TSPAN11: variants seen among roughly 807,000 people sequenced by gnomAD.
The protein encoded by TSPAN11 is tetraspanin 11.
Under a neutral mutation model 32.9 loss-of-function variants are expected in TSPAN11, and 29 were observed. The ratio of observed to expected loss-of-function variants is 0.88; its 90% CI spans 0.66 to 1.20. TSPAN11 has a LOEUF of 1.20. TSPAN11 is among the 50% of genes most tolerant of loss of function. The pLI is 0.00. For missense variants in TSPAN11, 283 were observed against 329.1 expected, an observed-to-expected ratio of 0.86 and a Z score of 1.08; for synonymous variants, 140 against 141.3, an observed-to-expected ratio of 0.99 and a Z score of 0.07.
chr12:30,945,655 C>T (rs758467788), intron 1 of TSPAN11, among the ~76,000 whole-genome samples: 1 of 152,002 alleles, frequency 6.6e-6, no homozygotes, highest in Admixed American at 6.5e-5. Context: ...CTTGTCTTCT[C>T]GGTGCTTGAG....
chr12:30,964,974 C>G (rs1938699135), intron 3 of TSPAN11, among the ~76,000 whole-genome samples: 1 of 152,218 alleles, frequency 6.6e-6, no homozygotes, highest in Admixed American at 6.5e-5. Context: ...TGCCACCACC[C>G]ACCCCCACAT....
At chr12:30,964,821 T>TTAGAG (rs1938695599) in intron 3 of TSPAN11, among the ~76,000 whole-genome samples, 1 of 152,254 alleles carries the variant, frequency 6.6e-6, no homozygotes, top group South Asian at 2.1e-4. Context: ...TGTTGTTGTG[T>TTAGAG]TTACATTTGA....
chr12:30,989,496 A>G (rs544827460), intron 7 of TSPAN11, among the ~76,000 whole-genome samples: 3 of 152,262 alleles, frequency 2.0e-5, no homozygotes, highest in South Asian at 4.1e-4. Context: ...TTTTTAAAGA[A>G]TCTTGCCAAG....
At chr12:30,987,581 C>T (rs1343850885) in intron 7 of TSPAN11, among the ~76,000 whole-genome samples, 4 of 151,568 alleles carry the variant, frequency 2.6e-5, no homozygotes, top group Non-Finnish European at 4.4e-5. Flanking sequence ...CACTCCAGGG[C>T]GACAGAGTGA....
the TSPAN11 span, among the ~76,000 whole-genome samples, chr12:31,003,550 T>A: frequency 6.6e-6 from 1 of 152,182 alleles, no homozygotes; most frequent in East Asian, 1.9e-4. Context: ...CATCTCCCAA[T>A]GCACTGGACT....
intron 3 of TSPAN11, among the ~76,000 whole-genome samples, chr12:30,974,570 T>C (rs1938920967): frequency 6.6e-6 from 1 of 152,144 alleles, no homozygotes; most frequent in Non-Finnish European, 1.5e-5. Flanking sequence ...TAGGTGTACT[T>C]TATTAGAAAG....
rs562429962 is a variant in TSPAN11, at chr12:30,989,477, T to C, written c.703-2379T>C. Among the ~76,000 whole-genome samples, 5 of 152,276 alleles carry C rather than the reference T, an allele frequency of 3.3e-5. No homozygotes were observed. In the South Asian group the frequency reaches 8.3e-4, roughly 25 times the overall value. On this transcript the variant is annotated intron_variant, in intron 7 of 7. Coordinates refer to ENST00000546076, the MANE Select transcript of TSPAN11 (RefSeq NM_001370302.1). ...CTGGGTGCTGTGCTGTTGGTTCTTG[T>C]TATTCTAGTTTTTAAAGAATCTTGC...
At chr12:30,933,596 T>TGGG (rs1937979953) in intron 1 of TSPAN11, among the ~76,000 whole-genome samples, 1 of 152,140 alleles carries the variant, frequency 6.6e-6, no homozygotes, top group Non-Finnish European at 1.5e-5. Flanking sequence ...CTGAAGCTCA[T>TGGG]GGGTGTCCTC....
the TSPAN11 span, among the ~76,000 whole-genome samples, chr12:31,002,926 G>A: frequency 6.6e-6 from 1 of 152,152 alleles, no homozygotes; most frequent in Non-Finnish European, 1.5e-5. This position sits in a 1 kb window ranked among gnomAD's most constrained non-coding sequence, Gnocchi z 4.8. Flanking sequence ...CCAGCTGCGG[G>A]CTGTGGGGAG....
At chr12:30,947,578 A>G (rs953845711) in intron 1 of TSPAN11, among the ~76,000 whole-genome samples, 1 of 152,214 alleles carries the variant, frequency 6.6e-6, no homozygotes, top group South Asian at 2.1e-4. Flanking sequence ...GAGAGAAGCA[A>G]GAACAGAAAC....
intron 2 of TSPAN11, 90 bp from the exon 3 acceptor site, chr12:30,963,736 G>T (rs1381322970): frequency 7.7e-6 from 11 of 1,421,576 alleles, no homozygotes; most frequent in Non-Finnish European, 1.0e-5. Flanking sequence ...GCCAGTGCAA[G>T]AGAAGTGCCT....
chr12:30,959,809 G>T (rs1004190793), intron 2 of TSPAN11, among the ~76,000 whole-genome samples: 8 of 151,206 alleles, frequency 5.3e-5, no homozygotes, highest in South Asian at 2.1e-4. Flanking sequence ...ACCGAGGTGT[G>T]GGGGGAAGAA....
intron 3 of TSPAN11, among the ~76,000 whole-genome samples, chr12:30,966,364 C>T (rs549800356): frequency 3.9e-5 from 6 of 152,182 alleles, no homozygotes; most frequent in South Asian, 2.1e-4. Flanking sequence ...GTCACCCCAG[C>T]AGGTGCGCAC....
chr12:30,936,662 A>T (rs1386626320), intron 1 of TSPAN11, among the ~76,000 whole-genome samples: 2 of 152,192 alleles, frequency 1.3e-5, no homozygotes, highest in Non-Finnish European at 1.5e-5. Context: ...GCATAGGTGG[A>T]TGGAGCGTCA....
chr12:30,959,900 T>TAG (rs1565795014), intron 2 of TSPAN11, among the ~76,000 whole-genome samples: 10 of 151,514 alleles, frequency 6.6e-5, no homozygotes, highest in African/African-American at 1.9e-4. Context: ...GTTTTTGGGC[T>TAG]TGGTGCCTGG....
chr12:31,015,161 A>G, the TSPAN11 span, among the ~76,000 whole-genome samples: 2 of 152,250 alleles, frequency 1.3e-5, no homozygotes, highest in African/African-American at 4.8e-5. The surrounding 1 kb of genome is among the most constrained non-coding windows in gnomAD (Gnocchi z 4.9). Context: ...TTCTTTGACA[A>G]CTAAAACTGT....
At chr12:30,950,373 T>C (rs770574487) in intron 1 of TSPAN11, among the ~76,000 whole-genome samples, 1 of 152,240 alleles carries the variant, frequency 6.6e-6, no homozygotes, top group Non-Finnish European at 1.5e-5. Flanking sequence ...ACTTTGAATA[T>C]CTGCAACATA....
chr12:30,936,395 T>C lies in TSPAN11; in HGVS notation c.-12+9599T>C, dbSNP rs138082543. Among the ~76,000 whole-genome samples the C allele has an allele frequency of 2.5e-3, 387 of 152,364 alleles. 4 individuals are homozygous for C. Among genetic ancestry groups the C allele is most frequent in the African/African-American group, 8.8e-3 (364 of 41,594 alleles). ...TGGGAATCTCTAGCACCTAGCACAT[T>C]GTGTGCCACGTAGTGAGGCCTCAGA... On this transcript the variant is annotated intron_variant, in intron 1 of 7. Coordinates refer to ENST00000546076, the MANE Select transcript of TSPAN11 (RefSeq NM_001370302.1).
chr12:31,015,731 T>C, the TSPAN11 span: 1 of 152,200 alleles, frequency 6.6e-6, no homozygotes, highest in Non-Finnish European at 1.5e-5. This position sits in a 1 kb window ranked among gnomAD's most constrained non-coding sequence, Gnocchi z 4.9. Context: ...CCATCCTACC[T>C]GCGATCAACT....
Sources: allele counts gnomAD v4.1 joint callset (sites outside exome capture counted in the v4.1 genomes callset), GRCh38; gene constraint gnomAD v4.1.1; non-coding constraint Gnocchi (gnomAD v3.1); transcripts MANE v1.5; gene names NCBI Gene and HGNC (gene_info 2026-07-23, HGNC 2026-07-21).